Variants in WFIKKN2 observed in about 807,000 individuals in gnomAD.
The protein encoded by WFIKKN2 is WAP, Kazal, immunoglobulin, Kunitz and NTR domain-containing protein 2.
In WFIKKN2, 25 loss-of-function variants were observed where a neutral mutation model predicts 39.2. The ratio of observed to expected loss-of-function variants is 0.64; its 90% CI spans 0.47 to 0.89. The LOEUF is 0.89. WFIKKN2 is among the 40% of genes least tolerant of loss of function. The pLI is 0.00. For synonymous variants in WFIKKN2, 345 were observed against 329.7 expected (o/e 1.05, Z -0.50); for missense variants, 770 against 811.7 (o/e 0.95, Z 0.62).
chr17:50,840,057 C>A lies in WFIKKN2; in HGVS notation c.769C>A (p.Pro257Thr), dbSNP rs778245094. 1 of 1,614,226 alleles carries A rather than the reference C, an allele frequency of 6.2e-7. No homozygotes were observed. Among genetic ancestry groups the A allele is most frequent in the Non-Finnish European group, 8.5e-7 (1 of 1,180,040 alleles). ...GGATCGGGAGAATGTGGTCATGCGG[C>A]CCAACCATGTGCGTGGCAACGTGGT... ...LEDRENVVMR[P>T]NHVRGNVVVT... The change falls in exon 2 of 2, where the codon CCC becomes ACC. Residue 257 changes from proline (P) to threonine (T), a missense_variant. By Grantham distance (38) the Pro-to-Thr change is conservative. Transcript: ENST00000311378.
Position 50,839,920 on chromosome 17 carries a change from C to G in WFIKKN2, c.632C>G (p.Ala211Gly). 6.2e-7 allele frequency: 1 copy of G among 1,614,186 alleles called. No individual in the cohort carries two copies. The highest frequency in any genetic ancestry group is 8.5e-7 in the Non-Finnish European group (1 of 1,180,044). ...CCTGAGCTGGACATGGCGGCCCCTG[C>G]GCTGCTCAACAACCCTGTGCACCAG... The part of the protein sequence containing the change: ...ETPELDMAAP[A>G]LLNNPVHQSV... The change falls in exon 2 of 2, where the codon GCG becomes GGG. Residue 211 changes from alanine to glycine, a missense_variant. By Grantham distance (60) the Ala-to-Gly change is moderately conservative. Coordinates refer to ENST00000311378, the MANE Select transcript of WFIKKN2 (RefSeq NM_175575.6).
rs1461246549 is a variant in WFIKKN2 at position 50,835,967 on chromosome 17, G to T, written c.30G>T (p.Trp10Cys). Reference sequence around the variant, plus strand: ...GGGCCCCAAGGTGTCGCCGGTTCTGGTCTCGCTGGGAGCAGGTGGCAGCGC... The same window carrying T: ...GGGCCCCAAGGTGTCGCCGGTTCTGTTCTCGCTGGGAGCAGGTGGCAGCGC... MWAPRCRRFWSRWEQVAALL... is the reference protein window; with the variant it reads MWAPRCRRFCSRWEQVAALL... The change falls in exon 1 of 2, where the codon TGG becomes TGT. Residue 10 changes from tryptophan (W) to cysteine (C), a missense_variant. Coordinates refer to ENST00000311378, the MANE Select transcript of WFIKKN2 (RefSeq NM_175575.6). 1.2e-6 allele frequency: 2 copies of T among 1,610,408 alleles called. No homozygotes were observed. The highest frequency in any genetic ancestry group is 2.7e-5 in the African/African-American group (2 of 75,036).
In WFIKKN2 at chr17:50,835,929, G is replaced by C. The variant is rs746864683; in HGVS notation, c.-9G>C. The C allele has an allele frequency of 1.9e-6, 3 of 1,610,172 alleles. No homozygotes were observed. The highest frequency in any genetic ancestry group is 2.5e-6 in the Non-Finnish European group (3 of 1,178,364). On this transcript the variant is annotated 5_prime_UTR_variant, in exon 1 of 2. Coordinates refer to ENST00000311378, the MANE Select transcript of WFIKKN2 (RefSeq NM_175575.6). Reference sequence around the variant, plus strand: ...TCAGGGGAGGTCTCTAGCCGCCCCAGCCTGCACCATGTGGGCCCCAAGGTG... The same window carrying C: ...TCAGGGGAGGTCTCTAGCCGCCCCACCCTGCACCATGTGGGCCCCAAGGTG...
chr17:50,839,367 A>C (rs1971999749), intron 1 of WFIKKN2, 132 bp from the exon 2 acceptor site: 2 of 827,118 alleles, frequency 2.4e-6, no homozygotes, highest in East Asian at 5.4e-5. Flanking sequence ...ATTCGTTATT[A>C]TTTTCAAGTG....
chr17:50,835,573 T>G, upstream of WFIKKN2: 1 of 268,826 alleles, frequency 3.7e-6, no homozygotes, highest in Non-Finnish European at 6.9e-6. Context: ...AAGTCTGTGA[T>G]CAGCCACGGG....
chr17:50,838,661 C>A (rs750710249), intron 1 of WFIKKN2, among the ~76,000 whole-genome samples: 11 of 152,220 alleles, frequency 7.2e-5, no homozygotes, highest in Non-Finnish European at 1.5e-4. Context: ...CTTTGCCACA[C>A]AAGGGGACTT....
Position 50,840,880 on chromosome 17 carries a change from G to C in WFIKKN2, c.1592G>C (p.Gly531Ala), listed in dbSNP as rs1467039586. 1 of 1,609,912 alleles carries C rather than the reference G, an allele frequency of 6.2e-7. No individual in the cohort carries two copies. The highest frequency in any genetic ancestry group is 1.1e-5 in the South Asian group (1 of 90,998). ...AGCGAGATGCCGCTCATCATCATGG[G>C]GGAGGTGGACGGCGGCATGGCCATG... ...TVSEMPLIIM[G>A]EVDGGMAMLR... is the part of the protein sequence containing the mutation. Residue 531 changes from glycine to alanine, a missense_variant, in exon 2 of 2, where the codon GGG (glycine) becomes GCG (alanine). Transcript: ENST00000311378.
Position 50,840,267 on chromosome 17 carries a change from G to C in WFIKKN2, c.979G>C (p.Glu327Gln). The C allele has an allele frequency of 6.2e-7, 1 of 1,613,958 alleles. No individual in the cohort carries two copies. The change falls in exon 2 of 2, where the codon GAG (glutamate) becomes CAG (glutamine). Residue 327 changes from glutamate (E) to glutamine (Q), a missense_variant. By Grantham distance (29) the Glu-to-Gln change is conservative (BLOSUM62 2). Transcript: ENST00000311378. ...SPNGTAFPAAECLKPPDSEDC... is the reference protein window; with the variant it reads ...SPNGTAFPAAQCLKPPDSEDC... ...CAATGGCACGGCTTTCCCGGCGGCC[G>C]AGTGCCTGAAGCCCCCAGACAGTGA...
rs1225302970 is a variant in WFIKKN2 at position 50,839,539 on chromosome 17, G to T, written c.251G>T (p.Gly84Val). 3 of 1,614,084 alleles carry T rather than the reference G, an allele frequency of 1.9e-6. No individual in the cohort carries two copies. Among genetic ancestry groups the T allele is most frequent in the South Asian group, 2.2e-5 (2 of 91,084 alleles). The change falls in exon 2 of 2, where the codon GGG becomes GTG. Residue 84 changes from glycine to valine, a missense_variant. By Grantham distance (109) the Gly-to-Val change is moderately radical. Coordinates refer to ENST00000311378, the MANE Select transcript of WFIKKN2 (RefSeq NM_175575.6). ...TYEKCCPNVC[G>V]TKSCVAARYM... ...GAGAAGTGCTGCCCCAACGTATGTG[G>T]GACCAAGAGCTGCGTGGCGGCCCGC...
intron 1 of WFIKKN2, among the ~76,000 whole-genome samples, chr17:50,837,425 CA>C (rs1313448198): frequency 6.6e-6 from 1 of 152,212 alleles, no homozygotes; most frequent in East Asian, 1.9e-4. Context: ...TGCTGCAGGG[CA>C]GGGCCAGTTC....
chr17:50,840,260 G>A lies in WFIKKN2; in HGVS notation c.972G>A (p.Pro324=), dbSNP rs150214655. 6.6e-5 allele frequency: 106 copies of A among 1,613,904 alleles called. No individual in the cohort carries two copies. The African/African-American group carries it at 8.1e-4, about 12-fold the overall frequency. ...GCAGCCCCAATGGCACGGCTTTCCC[G>A]GCGGCCGAGTGCCTGAAGCCCCCAG... The part of the protein sequence containing the change: ...SESSPNGTAF[P]AAECLKPPDS... The change falls in exon 2 of 2, where the codon CCG becomes CCA. Residue 324 remains proline, a synonymous_variant. Transcript: ENST00000311378.
At position 50,839,481 on chromosome 17, in the gene WFIKKN2, T is replaced by A. The variant is rs1431545877; in HGVS notation, c.211-18T>A. The A allele has an allele frequency of 6.3e-7, 1 of 1,599,724 alleles. No homozygotes were observed. The highest frequency in any genetic ancestry group is 1.7e-5 in the Admixed American group (1 of 59,304). ...TCCTCCTTCTCCCTGTTCAGGCCAC[T>A]CTCTCTGGCTCTTTCAGGAGTGTGA... is the stretch of plus-strand genomic sequence containing the variant. On this transcript the variant is annotated intron_variant, in intron 1 of 1. Transcript: ENST00000311378.
In WFIKKN2 at chr17:50,837,688, C is replaced by T. The variant is rs117269946; in HGVS notation, c.210+1541C>T. Among the ~76,000 whole-genome samples the T allele has an allele frequency of 6.3e-3, 964 of 152,362 alleles. 3 individuals carry two copies. The highest frequency in any genetic ancestry group is 0.011 in the Non-Finnish European group (719 of 68,028). ...AGAGGGCTGACCTGGAGAGGGTGGC[C>T]TCAACCTCACAGTGCCCAGGGACAA... On this transcript the variant is annotated intron_variant, in intron 1 of 1. Transcript: ENST00000311378.
chr17:50,837,549 C>G (rs1391591701), intron 1 of WFIKKN2, among the ~76,000 whole-genome samples: 1 of 152,216 alleles, frequency 6.6e-6, no homozygotes, highest in Non-Finnish European at 1.5e-5. Context: ...CCAGTCTGGC[C>G]AGCTCTGAGG....
intron 1 of WFIKKN2, among the ~76,000 whole-genome samples, chr17:50,836,352 G>A (rs1272774314): frequency 2.6e-5 from 4 of 151,838 alleles, no homozygotes; most frequent in Non-Finnish European, 5.9e-5. Flanking sequence ...AAGCCACAGT[G>A]TGAGGCAGAC....
In WFIKKN2 at chr17:50,840,353, C is replaced by A; in HGVS notation, c.1065C>A (p.Thr355=). 1.2e-6 allele frequency: 2 copies of A among 1,614,166 alleles called. No individual in the cohort carries two copies. Among genetic ancestry groups the A allele is most frequent in the Non-Finnish European group, 1.7e-6 (2 of 1,180,026 alleles). ...ATGCCCAGGCCAACAACTGCCTGACCTTCACCTTCGGCCACTGCCACCGTA... is the reference window on the plus strand; with the variant it reads ...ATGCCCAGGCCAACAACTGCCTGACATTCACCTTCGGCCACTGCCACCGTA... ...HFDAQANNCL[T]FTFGHCHRNL... Residue 355 remains threonine (T), a synonymous_variant, in exon 2 of 2, where the codon ACC becomes ACA. Transcript: ENST00000311378.
At chr17:50,835,275 C>T (rs898742722), upstream of WFIKKN2, 1 of 152,292 alleles carries the variant, frequency 6.6e-6, no homozygotes, top group African/African-American at 2.4e-5. Flanking sequence ...GATGCTAACC[C>T]GGTGGCTGCA....
At chr17:50,839,352 T>C (rs1390498962) in intron 1 of WFIKKN2, 147 bp from the exon 2 acceptor site, 5 of 719,558 alleles carry the variant, frequency 6.9e-6, no homozygotes, top group Non-Finnish European at 4.5e-6. Flanking sequence ...AGATGCTACG[T>C]ATGCATTCGT....
At position 50,840,977 on chromosome 17, in the gene WFIKKN2, G is replaced by T; in HGVS notation, c.1689G>T (p.Lys563Asn). ...RVRKLREVMH[K>N]KTCDVLKEFL... ...GGAAGCTTCGTGAGGTCATGCACAAGAAGACCTGTGACGTCCTCAAGGAGT... is the reference window on the plus strand; with the variant it reads ...GGAAGCTTCGTGAGGTCATGCACAATAAGACCTGTGACGTCCTCAAGGAGT... The change falls in exon 2 of 2, where the codon AAG becomes AAT. Residue 563 changes from lysine (K) to asparagine (N), a missense_variant. Lys to Asn is a moderately conservative substitution (Grantham distance 94). Coordinates refer to ENST00000311378, the MANE Select transcript of WFIKKN2 (RefSeq NM_175575.6). 1 of 1,559,812 alleles carries T rather than the reference G, an allele frequency of 6.4e-7. No individual in the cohort carries two copies. Among genetic ancestry groups the T allele is most frequent in the South Asian group, 1.2e-5 (1 of 83,200 alleles).
Sources: allele counts gnomAD v4.1 joint callset (sites outside exome capture counted in the v4.1 genomes callset), GRCh38; gene constraint gnomAD v4.1.1; transcripts MANE v1.5; gene names NCBI Gene and HGNC (gene_info 2026-07-23, HGNC 2026-07-21).